TTC27: variants seen among roughly 807,000 people sequenced by gnomAD.
TTC27 encodes the protein tetratricopeptide repeat domain 27, also known as tetratricopeptide repeat protein 27.
Under a neutral mutation model 115.9 loss-of-function variants are expected in TTC27, and 79 were observed. That is an observed-to-expected ratio of 0.68 (90% confidence interval 0.57 to 0.82). TTC27 has a LOEUF of 0.82. TTC27 is among the 40% of genes least tolerant of loss of function. The pLI is 0.00. For synonymous variants in TTC27, 401 were observed against 356.0 expected (o/e 1.13, Z -1.42); for missense variants, 1,054 against 993.1 (o/e 1.06, Z -0.82).
Position 32,677,552 on chromosome 2 carries a change from C to T in TTC27, c.1053-1304C>T, listed in dbSNP as rs534115772. Among the ~76,000 whole-genome samples the T allele has an allele frequency of 1.6e-4, 24 of 152,256 alleles. No homozygotes were observed. In the South Asian group the frequency reaches 5.0e-3, roughly 32 times the overall value. On this transcript the variant is annotated intron_variant, in intron 8 of 19. Transcript: ENST00000317907. Reference sequence around the variant, plus strand: ...GCAACCTCCGCCTCACAAGTTCAAGCAATCCTCCTGCCTCAGCCTCCCAAG... The same window carrying T: ...GCAACCTCCGCCTCACAAGTTCAAGTAATCCTCCTGCCTCAGCCTCCCAAG...
chr2:32,759,803 T>C lies in TTC27; in HGVS notation c.1680+1284T>C, dbSNP rs185206769. ...TGATTTTAACTGGGTAACTGTCTTA[T>C]GATTTTTACTAGGTAACTTGTAAAA... On this transcript the variant is annotated intron_variant, in intron 13 of 19. Transcript: ENST00000317907. Among the ~76,000 whole-genome samples, 654 of 152,330 alleles carry C rather than the reference T, an allele frequency of 4.3e-3. 4 individuals are homozygous for C. Among genetic ancestry groups the C allele is most frequent in the South Asian group, 0.021 (102 of 4,826 alleles).
At chr2:32,673,001 C>G (rs1381021545) in intron 8 of TTC27, among the ~76,000 whole-genome samples, 1 of 152,138 alleles carries the variant, frequency 6.6e-6, no homozygotes, top group Non-Finnish European at 1.5e-5. Context: ...TCAAATTTTG[C>G]TAGTTGTTCA....
At chr2:32,801,506 A>G (rs188605860) in intron 16 of TTC27, among the ~76,000 whole-genome samples, 2 of 152,298 alleles carry the variant, frequency 1.3e-5, no homozygotes, top group Non-Finnish European at 2.9e-5. Context: ...CTAGTCCAGA[A>G]TGACACCTCA....
rs773452993 is a variant in TTC27, at chr2:32,650,188, C to T, written c.595C>T (p.Arg199Cys). 12 of 1,613,832 alleles carry T rather than the reference C, an allele frequency of 7.4e-6. No individual in the cohort carries two copies. Among genetic ancestry groups the T allele is most frequent in the African/African-American group, 1.3e-5 (1 of 75,008 alleles). Reference sequence around the variant, plus strand: ...TATTCATCAGCATTTGCTTGAGGAACGCTCACCTCTGCTTTTTACTCTTGC... The same window carrying T: ...TATTCATCAGCATTTGCTTGAGGAATGCTCACCTCTGCTTTTTACTCTTGC... ...VNIHQHLLEE[R>C]SPLLFTLAEN... The change falls in exon 5 of 20, where the codon CGC becomes TGC. Residue 199 changes from arginine (R) to cysteine (C), a missense_variant. By Grantham distance (180) the Arg-to-Cys change is radical. Coordinates refer to ENST00000317907, the MANE Select transcript of TTC27 (RefSeq NM_017735.5).
chr2:32,774,095 G>A (rs1669917890), intron 13 of TTC27, among the ~76,000 whole-genome samples: 1 of 151,740 alleles, frequency 6.6e-6, no homozygotes, highest in Admixed American at 6.6e-5. Context: ...CAATAACTTT[G>A]TATAGTAATA....
chr2:32,793,591 C>CT (rs1670606266), intron 16 of TTC27, among the ~76,000 whole-genome samples: 1 of 152,182 alleles, frequency 6.6e-6, no homozygotes, highest in South Asian at 2.1e-4. Flanking sequence ...GGTGCCATCT[C>CT]GGCTCACTGC....
chr2:32,810,993 A>G, intron 16 of TTC27, 31 bp from the exon 17 acceptor site: 1 of 1,609,700 alleles, frequency 6.2e-7, no homozygotes, highest in Non-Finnish European at 8.5e-7. Context: ...GTTGGTTTCT[A>G]ACTTACCAGT....
At chr2:32,715,840 A>G (rs1251096427) in intron 10 of TTC27, among the ~76,000 whole-genome samples, 17 of 151,916 alleles carry the variant, frequency 1.1e-4, no homozygotes, top group Admixed American at 1.1e-3. Flanking sequence ...TGTTTGAATA[A>G]TTTGAGAAAG....
intron 12 of TTC27, among the ~76,000 whole-genome samples, chr2:32,744,526 G>C (rs908715212): frequency 1.3e-5 from 2 of 152,294 alleles, no homozygotes; most frequent in Non-Finnish European, 2.9e-5. Context: ...GCTCTTTCAA[G>C]TCCCCTCTTC....
At chr2:32,760,834 C>G (rs1038902648) in intron 13 of TTC27, among the ~76,000 whole-genome samples, 6 of 152,168 alleles carry the variant, frequency 3.9e-5, no homozygotes, top group African/African-American at 1.4e-4. Context: ...AGCGCACAGT[C>G]TGTTCTCAAC....
intron 16 of TTC27, among the ~76,000 whole-genome samples, chr2:32,797,084 G>C (rs1266598397): frequency 6.8e-6 from 1 of 147,184 alleles, no homozygotes; most frequent in East Asian, 2.0e-4. Context: ...TGAGGCAGGA[G>C]AATCGCTTGA....
intron 5 of TTC27, among the ~76,000 whole-genome samples, chr2:32,663,979 G>A (rs934087832): frequency 6.7e-6 from 1 of 148,370 alleles, no homozygotes; most frequent in African/African-American, 2.6e-5. Context: ...CACTGCGCCC[G>A]TCCCCCCACT....
rs1222216291 is a variant in TTC27 at position 32,630,514 on chromosome 2, A to G, written c.89-9A>G. 4 of 1,582,526 alleles carry G rather than the reference A, an allele frequency of 2.5e-6. No individual in the cohort carries two copies. Among genetic ancestry groups the G allele is most frequent in the East Asian group, 4.5e-5 (2 of 44,634 alleles). ...TTTTGGATTACCGCACTAATTTTTT[A>G]TATTACAGAGAGTGGATCTTTCCTA... On this transcript the variant is annotated splice_polypyrimidine_tract_variant and intron_variant, in intron 1 of 19. Transcript: ENST00000317907.
intron 16 of TTC27, among the ~76,000 whole-genome samples, chr2:32,794,202 C>A (rs899019246): frequency 6.6e-6 from 1 of 152,026 alleles, no homozygotes; most frequent in African/African-American, 2.4e-5. Context: ...TATGATAGAT[C>A]GCAAATTAAG....
intron 9 of TTC27, among the ~76,000 whole-genome samples, chr2:32,690,732 G>A (rs897058293): frequency 4.6e-5 from 7 of 152,146 alleles, no homozygotes; most frequent in African/African-American, 7.2e-5. Context: ...GCAAGGATAG[G>A]GGATTTGGAC....
chr2:32,788,383 A>G (rs1158824692), intron 16 of TTC27, among the ~76,000 whole-genome samples: 1 of 146,402 alleles, frequency 6.8e-6, no homozygotes, highest in Non-Finnish European at 1.5e-5. Context: ...TAGTTTACAC[A>G]CCAAGTCAGA....
chr2:32,683,232 C>T lies in TTC27; in HGVS notation c.1119+4310C>T, dbSNP rs571654031. Among the ~76,000 whole-genome samples, 5 of 152,122 alleles carry T rather than the reference C, an allele frequency of 3.3e-5. No homozygotes were observed. The East Asian group carries it at 9.7e-4, about 29-fold the overall frequency. Reference sequence around the variant, plus strand: ...CTCGAACTCCTGACCTCAGGTGATGCACCCACCCAGCCTCCCAAAGTGCTG... The same window carrying T: ...CTCGAACTCCTGACCTCAGGTGATGTACCCACCCAGCCTCCCAAAGTGCTG... On this transcript the variant is annotated intron_variant, in intron 9 of 19. Coordinates refer to ENST00000317907, the MANE Select transcript of TTC27 (RefSeq NM_017735.5).
At chr2:32,715,426 T>C (rs1314005939) in intron 10 of TTC27, among the ~76,000 whole-genome samples, 6 of 152,162 alleles carry the variant, frequency 3.9e-5, no homozygotes, top group African/African-American at 1.4e-4. Flanking sequence ...GTTCCATTGG[T>C]CTGTGTGTCT....
In TTC27 at chr2:32,692,036, G is replaced by GTTTTTTTTTTTTTTTTTTTTTTTTTTT. The variant is rs779547700; in HGVS notation, c.1120-10745_1120-10744insTTTTTTTTTTTTTTTTTTTTTTTTTTT. Among the ~76,000 whole-genome samples the GTTTTTTTTTTTTTTTTTTTTTTTTTTT allele has an allele frequency of 3.1e-4, 19 of 61,208 alleles. 4 individuals carry two copies. The highest frequency in any genetic ancestry group is 6.1e-4 in the East Asian group (1 of 1,652). The allele number at this position is 61,208 out of a possible 152,430, so 40.2% of individuals were successfully genotyped here. ...GGGATATTCTTTTTTAATTTTTTAGGTTTTTTTTTTTTTTTTTTTTTTTTT... is the reference window on the plus strand; with the variant it reads ...GGGATATTCTTTTTTAATTTTTTAGGTTTTTTTTTTTTTTTTTTTTTTTTTTTTTTTTTTTTTTTTTTTTTTTTTTTT... On this transcript the variant is annotated intron_variant, in intron 9 of 19. Transcript: ENST00000317907.
Sources: allele counts gnomAD v4.1 joint callset (sites outside exome capture counted in the v4.1 genomes callset), GRCh38; gene constraint gnomAD v4.1.1; transcripts MANE v1.5; gene names NCBI Gene and HGNC (gene_info 2026-07-23, HGNC 2026-07-21).